RIPPLY3: variants seen among roughly 807,000 people sequenced by gnomAD.
RIPPLY3 encodes the protein protein ripply3.
RIPPLY3 carries 8 observed loss-of-function variants against 11.9 expected under a neutral mutation model. That is an observed-to-expected ratio of 0.67 (90% CI 0.40 to 1.21). The LOEUF is 1.21. RIPPLY3 is among the 50% of genes most tolerant of loss of function. The pLI, the probability that RIPPLY3 is intolerant of heterozygous loss-of-function variation, is 0.01. For missense variants in RIPPLY3, 271 were observed against 246.0 expected (o/e 1.10, Z -0.68); for synonymous variants, 102 against 99.0 (o/e 1.03, Z -0.18).
At position 37,007,484 on chromosome 21, in the gene RIPPLY3, C is replaced by T. The variant is rs1192255714; in HGVS notation, c.104+608C>T. On this transcript the variant is annotated intron_variant, in intron 1 of 3. Transcript: ENST00000329553. ...AGTGCAATGGCGTGATCTCGGCTCA[C>T]GGGAACCTCCGCCTCCCGGGTTCAA... Among the ~76,000 whole-genome samples the T allele has an allele frequency of 3.4e-5, 5 of 147,350 alleles. No homozygotes were observed. In the South Asian group the frequency reaches 1.1e-3, roughly 32 times the overall value.
rs773191579 is a variant in RIPPLY3, at chr21:37,017,979, G to C, written c.345G>C (p.Glu115Asp). 6.2e-7 allele frequency: 1 copy of C among 1,614,086 alleles called. No individual in the cohort carries two copies. The highest frequency in any genetic ancestry group is 1.3e-5 in the African/African-American group (1 of 74,928). The stretch of plus-strand genomic sequence containing the variant: ...CCACGATTGACTTCTACGACGATGA[G>C]TCTACTGAGTCTGCTTCCGAAGCTG... Reference protein sequence around the residue: ...VQATIDFYDDESTESASEAEE... With the variant: ...VQATIDFYDDDSTESASEAEE... The change falls in exon 4 of 4, where the codon GAG becomes GAC. Residue 115 changes from glutamate to aspartate, a missense_variant. Transcript: ENST00000329553.
chr21:37,006,698 G>A, upstream of RIPPLY3: 1 of 981,400 alleles, frequency 1.0e-6, no homozygotes, highest in Non-Finnish European at 1.3e-6. The surrounding 1 kb of genome is among the most constrained non-coding windows in gnomAD (Gnocchi z 5.2). Context: ...GGGTAGGTGA[G>A]CGCGTTAGCC....
At chr21:37,006,652 C>G (rs905268942), upstream of RIPPLY3, 7 of 558,950 alleles carry the variant, frequency 1.3e-5, no homozygotes, top group Non-Finnish European at 1.8e-5. The surrounding 1 kb of genome is among the most constrained non-coding windows in gnomAD (Gnocchi z 5.2). Context: ...AGCGCTTGCC[C>G]GCGCCGCCCC....
intron 3 of RIPPLY3, among the ~76,000 whole-genome samples, chr21:37,014,993 G>A (rs61384642): frequency 0.06 from 9,089 of 152,186 alleles, 452 homozygotes; most frequent in African/African-American, 0.13. Context: ...CTCCCAAAGC[G>A]TTGGGATTAC....
rs910290134 is a variant in RIPPLY3, at chr21:37,019,424, G to A, written c.*1217G>A. 1.6e-4 allele frequency: 25 copies of A among 152,036 alleles called. No individual in the cohort carries two copies. Among genetic ancestry groups the A allele is most frequent in the African/African-American group, 6.0e-4 (25 of 41,394 alleles). The allele number at this position is 152,036 out of a possible 1,614,324, so 9.4% of individuals were successfully genotyped here. On this transcript the variant is annotated 3_prime_UTR_variant, in exon 4 of 4. Transcript: ENST00000329553. Reference sequence around the variant, plus strand: ...CTCTCTTCTTAGTTGGTGACTGTTTGGGGCCTGGTATTTTAATAGATGAAC... The same window carrying A: ...CTCTCTTCTTAGTTGGTGACTGTTTAGGGCCTGGTATTTTAATAGATGAAC...
chr21:37,013,492 G>T, intron 2 of RIPPLY3, 59 bp from the exon 3 acceptor site: 1 of 1,461,698 alleles, frequency 6.8e-7, no homozygotes, highest in South Asian at 1.2e-5. Flanking sequence ...AAAACCTCAG[G>T]ATGTCACCTT....
In RIPPLY3 at chr21:37,006,786, C is replaced by A. The variant is rs1218916285; in HGVS notation, c.14C>A (p.Ala5Glu). Residue 5 changes from alanine (A) to glutamate (E), a missense_variant, in exon 1 of 4, where the codon GCG becomes GAG. Ala to Glu is a moderately radical substitution (Grantham distance 107). Coordinates refer to ENST00000329553, the MANE Select transcript of RIPPLY3 (RefSeq NM_018962.3). This position sits in a 1 kb window ranked among gnomAD's most constrained non-coding sequence, Gnocchi z 5.2. MEPEAAAGARKARGR... is the reference protein window; with the variant it reads MEPEEAAGARKARGR... ...TCCGCCGGCACCATGGAGCCCGAAGCGGCGGCCGGAGCCCGGAAGGCGCGG... is the reference window on the plus strand; with the variant it reads ...TCCGCCGGCACCATGGAGCCCGAAGAGGCGGCCGGAGCCCGGAAGGCGCGG... The A allele has an allele frequency of 1.2e-5, 15 of 1,232,230 alleles. No homozygotes were observed. The highest frequency in any genetic ancestry group is 3.8e-5 in the South Asian group (1 of 26,220). 76.3% of individuals were successfully genotyped at this position (1,232,230 alleles called of 1,614,324 possible).
rs1334593021 is a variant in RIPPLY3 at position 37,019,377 on chromosome 21, A to G, written c.*1170A>G. 1.3e-5 allele frequency: 2 copies of G among 151,978 alleles called. No homozygotes were observed. The highest frequency in any genetic ancestry group is 1.3e-4 in the Admixed American group (2 of 15,242). 9.4% of individuals were successfully genotyped at this position (151,978 alleles called of 1,614,324 possible). ...CTGTATAAGGAGGCCTGTGTGTATGAATTTATAGGGAGTAGAACCGTCTCT... is the reference window on the plus strand; with the variant it reads ...CTGTATAAGGAGGCCTGTGTGTATGGATTTATAGGGAGTAGAACCGTCTCT... On this transcript the variant is annotated 3_prime_UTR_variant, in exon 4 of 4. Coordinates refer to ENST00000329553, the MANE Select transcript of RIPPLY3 (RefSeq NM_018962.3).
intron 1 of RIPPLY3, among the ~76,000 whole-genome samples, 160 bp downstream of exon 1, chr21:37,007,036 C>T (rs2069471910): frequency 6.6e-6 from 1 of 152,254 alleles, no homozygotes. Flanking sequence ...GAGCCGGCAG[C>T]CGGGTTCCCG....
chr21:37,014,695 G>C (rs2069560565), intron 3 of RIPPLY3, among the ~76,000 whole-genome samples: 1 of 152,178 alleles, frequency 6.6e-6, no homozygotes, highest in Non-Finnish European at 1.5e-5. Context: ...CCTCAGACTG[G>C]TCAGAAGGAA....
At chr21:37,013,709 A>G in intron 3 of RIPPLY3, 91 bp downstream of exon 3, 2 of 871,734 alleles carry the variant, frequency 2.3e-6, no homozygotes, top group Non-Finnish European at 3.6e-6. Flanking sequence ...TAGATTGTCA[A>G]CAAAGTGGAA....
Position 37,019,314 on chromosome 21 carries a change from A to AT in RIPPLY3, c.*1112dup, listed in dbSNP as rs2069616982. ...AGAAAAGAGTAACAGAAAGATAGGG[A>AT]TTTTTAGGAGACAATTAGATAAAAA... On this transcript the variant is annotated 3_prime_UTR_variant, in exon 4 of 4. Coordinates refer to ENST00000329553, the MANE Select transcript of RIPPLY3 (RefSeq NM_018962.3). 6.6e-6 allele frequency: 1 copy of AT among 150,772 alleles called. No individual in the cohort carries two copies. The highest frequency in any genetic ancestry group is 1.5e-5 in the Non-Finnish European group (1 of 67,816). 9.3% of individuals were successfully genotyped at this position (150,772 alleles called of 1,614,324 possible).
intron 2 of RIPPLY3, among the ~76,000 whole-genome samples, chr21:37,008,756 CAAA>C (rs71198845): frequency 4.9e-5 from 4 of 81,638 alleles, no homozygotes; most frequent in Admixed American, 1.7e-4. Flanking sequence ...AGACTCATCT[CAAA>C]AAAAAAAAAA....
chr21:37,016,003 T>G lies in RIPPLY3; in HGVS notation c.240-1871T>G, dbSNP rs2069574702. On this transcript the variant is annotated intron_variant, in intron 3 of 3. Coordinates refer to ENST00000329553, the MANE Select transcript of RIPPLY3 (RefSeq NM_018962.3). ...TGCTGAGATTACAGACATGAGCCAC[T>G]GTGTCCCACCCCAGCATATTCTAAA... 2.0e-5 allele frequency among the ~76,000 whole-genome samples: 3 copies of G among 151,782 alleles called. No homozygotes were observed. The East Asian group carries it at 5.8e-4, about 29-fold the overall frequency.
chr21:37,008,441 T>G (rs977672609), intron 2 of RIPPLY3, among the ~76,000 whole-genome samples: 2 of 151,942 alleles, frequency 1.3e-5, no homozygotes, highest in African/African-American at 2.4e-5. Flanking sequence ...TTCTCCTTCC[T>G]AAAAAAGCAT....
chr21:37,011,121 A>G (rs2069517180), intron 2 of RIPPLY3, among the ~76,000 whole-genome samples: 1 of 152,022 alleles, frequency 6.6e-6, no homozygotes. Flanking sequence ...CGCCTGCCTC[A>G]GCCTCCAAGT....
intron 3 of RIPPLY3, 28 bp downstream of exon 3, chr21:37,013,646 C>A (rs1441336119): frequency 1.3e-6 from 2 of 1,559,542 alleles, no homozygotes; most frequent in Non-Finnish European, 1.8e-6. Context: ...AATAAGTAAT[C>A]TGTAATTTCC....
At position 37,006,740 on chromosome 21, in the gene RIPPLY3, G is replaced by GCCGCAGCAAGGGGCGCGGGCT; in HGVS notation, c.-28_-8dup. The GCCGCAGCAAGGGGCGCGGGCT allele has an allele frequency of 8.3e-7, 1 of 1,206,006 alleles. No homozygotes were observed. The highest frequency in any genetic ancestry group is 1.0e-6 in the Non-Finnish European group (1 of 965,606). 74.7% of individuals were successfully genotyped at this position (1,206,006 alleles called of 1,614,324 possible). On this transcript the variant is annotated 5_prime_UTR_variant, in exon 1 of 4. Coordinates refer to ENST00000329553, the MANE Select transcript of RIPPLY3 (RefSeq NM_018962.3). This position sits in a 1 kb window ranked among gnomAD's most constrained non-coding sequence, Gnocchi z 5.2. ...GATCTAGGCGCGCTCGTAGGCCGGC[G>GCCGCAGCAAGGGGCGCGGGCT]CCGCAGCAAGGGGCGCGGGCTCCGC...
At chr21:37,007,658 C>T (rs7280628) in intron 1 of RIPPLY3, among the ~76,000 whole-genome samples, 2,224 of 152,220 alleles carry the variant, frequency 0.015, 40 homozygotes, top group Middle Eastern at 0.048. Context: ...ATCCAGTAAC[C>T]TCAGCCTCCC....
Sources: allele counts gnomAD v4.1 joint callset (sites outside exome capture counted in the v4.1 genomes callset), GRCh38; gene constraint gnomAD v4.1.1; non-coding constraint Gnocchi (gnomAD v3.1); transcripts MANE v1.5; gene names NCBI Gene and HGNC (gene_info 2026-07-23, HGNC 2026-07-21).